Variants in LONP2 observed in about 807,000 individuals in gnomAD.
The protein encoded by LONP2 is lon peptidase 2, peroxisomal.
In LONP2, 60 loss-of-function variants were observed where a neutral mutation model predicts 85.6. That is an observed-to-expected ratio of 0.70 (90% CI 0.57 to 0.87). LONP2 has a LOEUF of 0.87. Ranked by LOEUF, LONP2 falls within the 40% of genes least tolerant of loss-of-function variation. LONP2 has a pLI of 0.00. For missense variants in LONP2, 860 were observed against 1,063.5 expected (o/e 0.81, Z 2.66); for synonymous variants, 395 against 389.7 (o/e 1.01, Z -0.16).
rs1282214114 is a variant in LONP2 at position 48,252,364 on chromosome 16, A to G, written c.467A>G (p.Gln156Arg). ...LSEQFYKYAV[Q>R]LVEMLDMSVP... ...GAGCAGTTTTACAAATATGCAGTAC[A>G]AGTAAGTTGCTTTTATTTTTTCTTA... The change falls in exon 2 of 15, where the codon CAA becomes CGA. Residue 156 changes from glutamine to arginine, a missense_variant and splice_region_variant. Physicochemically the swap from Gln to Arg is conservative, Grantham distance 43. Around this residue, in one of 3 missense-constraint regions of LONP2, gnomAD observed 743 missense variants for 917.3 expected, o/e 0.81. Transcript: ENST00000285737. 1 of 1,552,822 alleles carries G rather than the reference A, an allele frequency of 6.4e-7. No homozygotes were observed.
Position 48,260,867 on chromosome 16 carries a change from T to C in LONP2, c.724-557T>C, listed in dbSNP as rs140493183. ...GGATCTGGTGGTTATAGCCACTTGC[T>C]GGAGAAGCAGAACTTCACAAGAAAG... On this transcript the variant is annotated intron_variant, in intron 4 of 14. Transcript: ENST00000285737. Among the ~76,000 whole-genome samples the C allele has an allele frequency of 1.7e-3, 256 of 152,326 alleles. 1 individual carries two copies. The highest frequency in any genetic ancestry group is 6.8e-3 in the Middle Eastern group (2 of 294).
At chr16:48,299,565 G>C (rs911248345) in intron 9 of LONP2, 97 bp from the exon 10 acceptor site, 1 of 1,367,510 alleles carries the variant, frequency 7.3e-7, no homozygotes, top group Non-Finnish European at 1.0e-6. Context: ...CTGGGCGACA[G>C]AGCAAGACTC....
intron 10 of LONP2, among the ~76,000 whole-genome samples, chr16:48,301,132 G>T (rs926892510): frequency 6.6e-6 from 1 of 152,226 alleles, no homozygotes; most frequent in South Asian, 2.1e-4. Context: ...TGGATATTTA[G>T]TGAGTTACCA....
intron 8 of LONP2, among the ~76,000 whole-genome samples, chr16:48,295,510 G>A (rs1972650484): frequency 1.3e-5 from 2 of 152,128 alleles, no homozygotes; most frequent in Admixed American, 6.5e-5. Context: ...TCATAGCAAA[G>A]GTTACTCTTA....
chr16:48,273,064 C>T (rs143574202), intron 7 of LONP2, among the ~76,000 whole-genome samples: 164 of 152,204 alleles, frequency 1.1e-3, no homozygotes, highest in African/African-American at 3.6e-3. Context: ...GTTTGAGTAC[C>T]GGTCACATGC....
At chr16:48,305,392 C>T (rs1972892959) in intron 11 of LONP2, among the ~76,000 whole-genome samples, 1 of 152,082 alleles carries the variant, frequency 6.6e-6, no homozygotes, top group African/African-American at 2.4e-5. Flanking sequence ...GTAGCTGGTA[C>T]TGTAGACGGA....
intron 1 of LONP2, among the ~76,000 whole-genome samples, chr16:48,249,331 C>G (rs1303307159): frequency 1.3e-5 from 2 of 152,140 alleles, no homozygotes; most frequent in African/African-American, 2.4e-5. Context: ...GCCTTTTGAG[C>G]ATGCCTAATA....
chr16:48,244,462 C>G lies in LONP2; in HGVS notation c.74C>G (p.Pro25Arg). 6.3e-7 allele frequency: 1 copy of G among 1,597,038 alleles called. No homozygotes were observed. Among genetic ancestry groups the G allele is most frequent in the Non-Finnish European group, 8.5e-7 (1 of 1,175,894 alleles). Residue 25 changes from proline to arginine, a missense_variant, in exon 1 of 15, where the codon CCC becomes CGC. This residue lies in a region of LONP2 where 743 missense variants were observed against 917.3 expected (regional missense o/e 0.81). Transcript: ENST00000285737. ...CTCACCCACGAGGGCGTCCTGCTGC[C>G]CGGCTCCACCATGCGCACCAGCGTG... ...LLLTHEGVLLPGSTMRTSVDS... is the reference protein window; with the variant it reads ...LLLTHEGVLLRGSTMRTSVDS...
intron 3 of LONP2, among the ~76,000 whole-genome samples, chr16:48,257,808 C>T (rs1304788091): frequency 6.6e-6 from 1 of 152,188 alleles, no homozygotes; most frequent in East Asian, 1.9e-4. Flanking sequence ...TACAGGACTG[C>T]CAGAGAGCCC....
chr16:48,277,287 C>T (rs1972229422), intron 7 of LONP2, 51 bp from the exon 8 acceptor site: 1 of 1,582,356 alleles, frequency 6.3e-7, no homozygotes, highest in Non-Finnish European at 8.6e-7. Flanking sequence ...AATGGCGTCG[C>T]TCCTGCCTCC....
At chr16:48,272,803 C>T (rs186806816) in intron 7 of LONP2, among the ~76,000 whole-genome samples, 4 of 152,212 alleles carry the variant, frequency 2.6e-5, no homozygotes, top group South Asian at 2.1e-4. Context: ...CCATCTACCC[C>T]GTGAATTATT....
chr16:48,359,456 G>A (rs556422113), downstream of LONP2, among the ~76,000 whole-genome samples: 26 of 152,280 alleles, frequency 1.7e-4, no homozygotes, highest in East Asian at 4.5e-3. Flanking sequence ...CGGGCGCGGT[G>A]GCTCACGCCT....
chr16:48,305,790 A>G lies in LONP2; in HGVS notation c.1795+2485A>G, dbSNP rs375189565. Among the ~76,000 whole-genome samples, 6 of 152,182 alleles carry G rather than the reference A, an allele frequency of 3.9e-5. No individual in the cohort carries two copies. The South Asian group carries it at 6.2e-4, about 16-fold the overall frequency. On this transcript the variant is annotated intron_variant, in intron 11 of 14. Transcript: ENST00000285737. ...TTGTCCATGTACTTTTTGTTTCCCA[A>G]AATTTTGTCAGCATCTCTTGTCAGC...
chr16:48,256,519 C>T (rs915485503), intron 2 of LONP2, 91 bp from the exon 3 acceptor site: 8 of 1,343,732 alleles, frequency 6.0e-6, no homozygotes, highest in Middle Eastern at 2.1e-4. Context: ...AAGACTGAGG[C>T]CCAAACATTA....
At chr16:48,329,354 A>C (rs1435525957) in intron 11 of LONP2, among the ~76,000 whole-genome samples, 2 of 152,176 alleles carry the variant, frequency 1.3e-5, no homozygotes, top group Admixed American at 1.3e-4. Context: ...TTTGTCCAGC[A>C]TATCCATGCT....
intron 11 of LONP2, among the ~76,000 whole-genome samples, chr16:48,315,908 CTA>C (rs1332468744): frequency 7.2e-6 from 1 of 138,448 alleles, no homozygotes; most frequent in Non-Finnish European, 1.6e-5. Flanking sequence ...TTGCTTTCTT[CTA>C]TTTTTTTGTG....
At chr16:48,322,860 T>C (rs2151016729) in intron 11 of LONP2, among the ~76,000 whole-genome samples, 1 of 152,298 alleles carries the variant, frequency 6.6e-6, no homozygotes, top group East Asian at 1.9e-4. Flanking sequence ...GCACAATAGG[T>C]TTGTGTACAC....
intron 12 of LONP2, among the ~76,000 whole-genome samples, chr16:48,346,250 T>G (rs756795562): frequency 2.0e-5 from 3 of 152,166 alleles, no homozygotes; most frequent in Non-Finnish European, 4.4e-5. Flanking sequence ...AATCTCCTGT[T>G]TGGATTAGTG....
intron 5 of LONP2, 71 bp from the exon 6 acceptor site, chr16:48,262,707 G>A: frequency 1.1e-6 from 1 of 921,568 alleles, no homozygotes; most frequent in South Asian, 1.5e-5. Context: ...AAAGAGAGCT[G>A]TGTTTGATTT....
Sources: gnomAD v4.1 joint callset for allele counts (sites outside exome capture counted in the v4.1 genomes callset) on GRCh38, gnomAD v4.1.1 for gene constraint, gnomAD v4.1.1 regional missense constraint, MANE v1.5 for transcripts, NCBI Gene and HGNC (gene_info 2026-07-23, HGNC 2026-07-21) for gene names.